TRAPPC9: variants seen among roughly 807,000 people sequenced by gnomAD.
TRAPPC9 encodes trafficking protein particle complex subunit 9, also known as IKK2 binding protein.
In TRAPPC9, 83 loss-of-function variants were observed where a neutral mutation model predicts 124.0. That is an observed-to-expected ratio of 0.67 (90% CI 0.56 to 0.80). The LOEUF (loss-of-function observed/expected upper bound fraction) is 0.80, where lower values mean the gene tolerates loss of function less well. Among genes scored for constraint, TRAPPC9 ranks in the 30% least tolerant of loss-of-function variants. The probability of loss-of-function intolerance (pLI) is 0.00; values close to 1 mark genes in which losing one functional copy is unlikely to be tolerated. For synonymous variants in TRAPPC9, 638 were observed against 617.5 expected (o/e 1.03, Z -0.49); for missense variants, 1,302 against 1,508.3 (o/e 0.86, Z 2.27).
At chr8:140,121,260 C>T (rs1295310831) in intron 17 of TRAPPC9, among the ~76,000 whole-genome samples, 2 of 152,154 alleles carry the variant, frequency 1.3e-5, no homozygotes, top group Non-Finnish European at 2.9e-5. Flanking sequence ...GGTGCAAAGG[C>T]CTGAGACAGA....
At chr8:139,868,731 C>T (rs1828706154) in intron 21 of TRAPPC9, among the ~76,000 whole-genome samples, 1 of 152,190 alleles carries the variant, frequency 6.6e-6, no homozygotes, top group Non-Finnish European at 1.5e-5. Context: ...TTAACTTCTT[C>T]ATCAAATATT....
At chr8:139,931,202 T>A (rs1176807238) in intron 19 of TRAPPC9, 3 of 152,184 alleles carry the variant, frequency 2.0e-5, no homozygotes, top group African/African-American at 7.2e-5. Context: ...AATGAGAATA[T>A]TAACCATAGA....
At chr8:139,881,856 G>A (rs565000030) in intron 21 of TRAPPC9, among the ~76,000 whole-genome samples, 15 of 152,324 alleles carry the variant, frequency 9.8e-5, no homozygotes, top group East Asian at 1.9e-4. Context: ...TCTTAATGCC[G>A]TGGGCCACAC....
intron 21 of TRAPPC9, among the ~76,000 whole-genome samples, chr8:139,832,499 C>T (rs561599703): frequency 1.8e-4 from 27 of 152,270 alleles, no homozygotes; most frequent in African/African-American, 5.3e-4. Context: ...CCAGTGGGCA[C>T]GGAGTTGGGA....
intron 16 of TRAPPC9, among the ~76,000 whole-genome samples, chr8:140,237,076 G>A (rs1487652090): frequency 6.6e-6 from 1 of 152,148 alleles, no homozygotes; most frequent in Non-Finnish European, 1.5e-5. Context: ...AGCTACTGAG[G>A]AGGCTGAGGC....
intron 21 of TRAPPC9, among the ~76,000 whole-genome samples, chr8:139,801,635 G>A (rs953699580): frequency 2.0e-5 from 3 of 152,198 alleles, no homozygotes; most frequent in Admixed American, 6.5e-5. Flanking sequence ...GTTATCAACC[G>A]GGATTCCTGT....
chr8:140,139,569 A>G (rs1414424629), intron 17 of TRAPPC9, among the ~76,000 whole-genome samples: 1 of 152,218 alleles, frequency 6.6e-6, no homozygotes, highest in Non-Finnish European at 1.5e-5. Context: ...ACTGTGGTGT[A>G]TTATACAGGG....
intron 17 of TRAPPC9, among the ~76,000 whole-genome samples, chr8:140,029,033 A>T (rs1309801547): frequency 6.6e-6 from 1 of 152,260 alleles, no homozygotes; most frequent in Non-Finnish European, 1.5e-5. Context: ...CAGGAATGAG[A>T]ATGATTATCG....
chr8:140,393,490 A>G (rs2068992978), intron 7 of TRAPPC9, among the ~76,000 whole-genome samples: 2 of 152,178 alleles, frequency 1.3e-5, no homozygotes, highest in Non-Finnish European at 2.9e-5. Flanking sequence ...ATCATAAACC[A>G]TTCACCTAAA....
rs542801856 is a variant in TRAPPC9 at position 140,024,686 on chromosome 8, G to A, written c.2557-607C>T. 7.6e-4 allele frequency among the ~76,000 whole-genome samples: 116 copies of A among 152,160 alleles called. 1 individual carries two copies. The Middle Eastern group carries it at 0.01, about 13-fold the overall frequency. ...TGCTGGGATGACAGGCGTGTGGGAT[G>A]ACAGGCGTGTGGGATGACAGGCATG... is the stretch of plus-strand genomic sequence containing the variant. On this transcript the variant is annotated intron_variant, in intron 17 of 22. Coordinates refer to ENST00000438773, the MANE Select transcript of TRAPPC9 (RefSeq NM_001160372.4).
chr8:139,832,202 C>T (rs1000359270), intron 21 of TRAPPC9, among the ~76,000 whole-genome samples: 6 of 152,194 alleles, frequency 3.9e-5, no homozygotes, highest in African/African-American at 1.4e-4. Context: ...AAGTCTGATA[C>T]CCTGTGAGTG....
chr8:140,239,271 G>A (rs2063803062), intron 16 of TRAPPC9, among the ~76,000 whole-genome samples: 1 of 152,220 alleles, frequency 6.6e-6, no homozygotes, highest in Admixed American at 6.5e-5. Flanking sequence ...GGGGCGCTGA[G>A]CTGCATGAGC....
chr8:139,748,640 T>C (rs1247400961), intron 21 of TRAPPC9, among the ~76,000 whole-genome samples: 1 of 151,338 alleles, frequency 6.6e-6, no homozygotes, highest in African/African-American at 2.5e-5. Flanking sequence ...GGGCCTTGCA[T>C]AGGCTGCTTG....
At chr8:139,806,822 G>A (rs1246665700) in intron 21 of TRAPPC9, among the ~76,000 whole-genome samples, 1 of 152,258 alleles carries the variant, frequency 6.6e-6, no homozygotes, top group Non-Finnish European at 1.5e-5. Context: ...TGCTTCTCAT[G>A]ATGGGGAGAG....
chr8:140,336,232 C>A (rs1044560847), intron 9 of TRAPPC9, among the ~76,000 whole-genome samples: 1 of 152,122 alleles, frequency 6.6e-6, no homozygotes, highest in Admixed American at 6.6e-5. Context: ...ACAGTAAAAG[C>A]CCCTTGTTTA....
At chr8:140,382,621 C>T (rs903942378) in intron 7 of TRAPPC9, among the ~76,000 whole-genome samples, 14 of 152,220 alleles carry the variant, frequency 9.2e-5, no homozygotes, top group African/African-American at 3.4e-4. Flanking sequence ...GGGAGGCACC[C>T]ACCATTGCTG....
chr8:139,748,329 A>G (rs1202341644), intron 21 of TRAPPC9, among the ~76,000 whole-genome samples: 2 of 82,644 alleles, frequency 2.4e-5, no homozygotes, highest in Admixed American at 1.4e-4. Flanking sequence ...GTGTGCAGGG[A>G]TCAGAGAAGA....
At chr8:139,860,991 G>A (rs559497915) in intron 21 of TRAPPC9, among the ~76,000 whole-genome samples, 13 of 152,378 alleles carry the variant, frequency 8.5e-5, no homozygotes, top group Admixed American at 2.6e-4. Flanking sequence ...ACAGGCTGGC[G>A]CCTACCGGCT....
At chr8:139,803,604 T>G (rs1823722147) in intron 21 of TRAPPC9, among the ~76,000 whole-genome samples, 1 of 152,258 alleles carries the variant, frequency 6.6e-6, no homozygotes, top group Non-Finnish European at 1.5e-5. Flanking sequence ...TGTCTCATGT[T>G]CTGCCTATCA....
Sources: allele counts gnomAD v4.1 joint callset (sites outside exome capture counted in the v4.1 genomes callset), GRCh38; gene constraint gnomAD v4.1.1; transcripts MANE v1.5; gene names NCBI Gene and HGNC (gene_info 2026-07-23, HGNC 2026-07-21).